GLIS3: variants seen among roughly 807,000 people sequenced by gnomAD.
GLIS3 encodes the protein GLIS family zinc finger 3, also known as zinc finger protein GLIS3.
Under a neutral mutation model 78.6 loss-of-function variants are expected in GLIS3, and 53 were observed. The observed-to-expected ratio is 0.67, with a 90% confidence interval of 0.54 to 0.85. The LOEUF (loss-of-function observed/expected upper bound fraction) is 0.85. Ranked by LOEUF, GLIS3 falls within the 40% of genes least tolerant of loss-of-function variation. GLIS3 has a pLI of 0.00. For missense variants in GLIS3, 1,703 were observed against 1,231.1 expected, an observed-to-expected ratio of 1.38 and a Z score of -5.74; for synonymous variants, 684 against 509.9, an observed-to-expected ratio of 1.34 and a Z score of -4.60.
intron 2 of GLIS3, among the ~76,000 whole-genome samples, chr9:4,181,152 C>T (rs1019008077): frequency 2.0e-5 from 3 of 152,226 alleles, no homozygotes; most frequent in Non-Finnish European, 4.4e-5. Flanking sequence ...ATGAGAAGGG[C>T]TTCAGGCATA....
At chr9:4,293,370 T>A (rs774987573) in intron 1 of GLIS3, among the ~76,000 whole-genome samples, 1 of 152,250 alleles carries the variant, frequency 6.6e-6, no homozygotes. Context: ...GTGACCGATG[T>A]AACTATTTCT....
chr9:4,415,686 A>G, the GLIS3 span, among the ~76,000 whole-genome samples: 90 of 152,326 alleles, frequency 5.9e-4, 1 homozygote, highest in Admixed American at 2.9e-3. Flanking sequence ...GACCTTTTTG[A>G]TGTCAAATTC....
intron 4 of GLIS3, among the ~76,000 whole-genome samples, chr9:4,105,581 A>C (rs1346185287): frequency 3.3e-5 from 5 of 152,220 alleles, no homozygotes; most frequent in African/African-American, 1.2e-4. Flanking sequence ...TCTTAATTTT[A>C]AACTAAATTG....
intron 2 of GLIS3, among the ~76,000 whole-genome samples, chr9:4,338,389 T>TACACATAC (rs1817786135): frequency 6.8e-6 from 1 of 147,354 alleles, no homozygotes; most frequent in East Asian, 2.0e-4. Context: ...CACACACACA[T>TACACATAC]ACACACACAC....
chr9:3,879,247 TGAAACA>T (rs943146213), intron 8 of GLIS3, among the ~76,000 whole-genome samples, 174 bp downstream of exon 8: 2 of 152,094 alleles, frequency 1.3e-5, no homozygotes, highest in African/African-American at 4.8e-5. Context: ...CGTGGAAAAA[TGAAACA>T]GATAATGAGA....
At chr9:4,242,552 G>C (rs1355726781) in intron 2 of GLIS3, among the ~76,000 whole-genome samples, 1 of 152,104 alleles carries the variant, frequency 6.6e-6, no homozygotes, top group East Asian at 1.9e-4. Context: ...CCTGGCTGAG[G>C]GAGGTTGTCT....
intron 10 of GLIS3, among the ~76,000 whole-genome samples, chr9:3,828,689 T>C (rs1807436761): frequency 6.6e-6 from 1 of 152,056 alleles, no homozygotes; most frequent in Non-Finnish European, 1.5e-5. Flanking sequence ...AAAAAGGAGC[T>C]GGTGTTAAGG....
intron 4 of GLIS3, among the ~76,000 whole-genome samples, chr9:4,059,825 T>TGAGAGAGAGAGAGAGAGAGA (rs1469909194): frequency 2.5e-5 from 3 of 120,268 alleles, no homozygotes; most frequent in African/African-American, 9.6e-5. Context: ...TGTGTGTGTG[T>TGAGAGAGAGAGAGAGAGAGA]GTGTGAGAGA....
chr9:4,238,260 T>A (rs1021326175), intron 2 of GLIS3, among the ~76,000 whole-genome samples: 2 of 151,018 alleles, frequency 1.3e-5, no homozygotes, highest in African/African-American at 2.5e-5. Flanking sequence ...GATCTCTTAA[T>A]AGAACTCAGT....
In GLIS3 at chr9:3,827,510, C is replaced by G. The variant is rs549867991; in HGVS notation, c.*762G>C. 1.3e-5 allele frequency: 2 copies of G among 152,558 alleles called. No individual in the cohort carries two copies. Among genetic ancestry groups the G allele is most frequent in the South Asian group, 2.1e-4 (1 of 4,824 alleles). The allele number at this position is 152,558 out of a possible 1,614,324, so 9.5% of individuals were successfully genotyped here. ...CTTTGCTAACTGCAAAACTAACATG[C>G]TAGAGGTGGGGCCAGGCAGAACCAC... is the stretch of plus-strand genomic sequence containing the variant. On this transcript the variant is annotated 3_prime_UTR_variant, in exon 11 of 11. Transcript: ENST00000381971.
chr9:4,197,102 C>G (rs1387380411), intron 2 of GLIS3, among the ~76,000 whole-genome samples: 1 of 152,042 alleles, frequency 6.6e-6, no homozygotes, highest in African/African-American at 2.4e-5. Context: ...TATCAGCAGC[C>G]TGAACATCTT....
At chr9:4,233,032 G>A (rs989775031) in intron 2 of GLIS3, among the ~76,000 whole-genome samples, 1 of 152,160 alleles carries the variant, frequency 6.6e-6, no homozygotes, top group East Asian at 1.9e-4. Context: ...CCACACGACA[G>A]CAATGCTTAT....
chr9:4,295,734 G>C lies in GLIS3; in HGVS notation c.-99+3687C>G, dbSNP rs1816421990. On this transcript the variant is annotated intron_variant, in intron 1 of 10. Coordinates refer to ENST00000381971, the MANE Select transcript of GLIS3 (RefSeq NM_001042413.2). Reference sequence around the variant, plus strand: ...TGTTCCACTTGCAAAAAAATGCATCGAGCTCAAGATAAGTGTGCTTTTCCG... The same window carrying C: ...TGTTCCACTTGCAAAAAAATGCATCCAGCTCAAGATAAGTGTGCTTTTCCG... Among the ~76,000 whole-genome samples the C allele has an allele frequency of 3.3e-5, 5 of 152,212 alleles. No homozygotes were observed. The South Asian group carries it at 1.0e-3, about 32-fold the overall frequency.
chr9:4,141,310 G>C lies in GLIS3; in HGVS notation c.389-15369C>G, dbSNP rs556073355. On this transcript the variant is annotated intron_variant, in intron 2 of 10. Transcript: ENST00000381971. ...GACAGCTCCCAAGGAAGGCAGTGGG[G>C]GTAAAAGGTATGGCTGCCTGGCCAA... Among the ~76,000 whole-genome samples the C allele has an allele frequency of 3.9e-5, 6 of 152,226 alleles. No homozygotes were observed. In the South Asian group the frequency reaches 1.2e-3, roughly 32 times the overall value.
At position 3,977,071 on chromosome 9, in the gene GLIS3, A is replaced by G. The variant is rs1055358969; in HGVS notation, c.1711-39882T>C. On this transcript the variant is annotated intron_variant, in intron 4 of 10. Coordinates refer to ENST00000381971, the MANE Select transcript of GLIS3 (RefSeq NM_001042413.2). This position sits in a 1 kb window ranked among gnomAD's most constrained non-coding sequence, Gnocchi z 4.1. ...GTCATGTTCTCCTACTCTGAGGTTT[A>G]TGCAGTTTGTTCAGCAGGCTCTGAA... 3.3e-5 allele frequency among the ~76,000 whole-genome samples: 5 copies of G among 152,130 alleles called. No individual in the cohort carries two copies. The highest frequency in any genetic ancestry group is 7.4e-5 in the Non-Finnish European group (5 of 68,026).
intron 2 of GLIS3, among the ~76,000 whole-genome samples, chr9:4,187,573 A>C (rs928238186): frequency 3.9e-5 from 6 of 152,210 alleles, no homozygotes; most frequent in African/African-American, 7.2e-5. Context: ...TTGAATCTAT[A>C]AATGACCTTG....
chr9:4,246,336 A>C (rs1823799059), intron 2 of GLIS3, among the ~76,000 whole-genome samples: 1 of 152,232 alleles, frequency 6.6e-6, no homozygotes, highest in Admixed American at 6.5e-5. Flanking sequence ...ACACAAATCA[A>C]CTTATATGAA....
At chr9:4,169,111 C>T (rs1816142732) in intron 2 of GLIS3, among the ~76,000 whole-genome samples, 1 of 152,270 alleles carries the variant, frequency 6.6e-6, no homozygotes. Context: ...AGTCTCCAAA[C>T]CTAGTTAATT....
At chr9:3,959,908 T>G (rs1232661204) in intron 4 of GLIS3, among the ~76,000 whole-genome samples, 1 of 152,138 alleles carries the variant, frequency 6.6e-6, no homozygotes, top group East Asian at 1.9e-4. Flanking sequence ...TCCCAGCACT[T>G]TGGGAGGCCG....
Sources: allele counts gnomAD v4.1 joint callset (sites outside exome capture counted in the v4.1 genomes callset), GRCh38; gene constraint gnomAD v4.1.1; non-coding constraint Gnocchi (gnomAD v3.1); transcripts MANE v1.5; gene names NCBI Gene and HGNC (gene_info 2026-07-23, HGNC 2026-07-21).